The following PTPRD variants were observed in gnomAD, a reference collection of about 807,000 sequenced individuals.
The protein encoded by PTPRD is protein tyrosine phosphatase receptor type D, also known as receptor-type tyrosine-protein phosphatase delta.
Under a neutral mutation model 214.5 loss-of-function variants are expected in PTPRD, and 34 were observed. That is an observed-to-expected ratio of 0.16 (90% CI 0.12 to 0.21). PTPRD has a LOEUF of 0.21. PTPRD is among the 10% of genes least tolerant of loss of function. The pLI is 1.00. For missense variants in PTPRD, 2,545 were observed against 2,398.7 expected (o/e 1.06, Z -1.27); for synonymous variants, 1,128 against 845.7 (o/e 1.33, Z -5.79).
chr9:8,741,765 A>AT (rs1466782555), intron 11 of PTPRD, among the ~76,000 whole-genome samples: 1 of 151,554 alleles, frequency 6.6e-6, no homozygotes, highest in Non-Finnish European at 1.5e-5. Flanking sequence ...TAATTGTTGT[A>AT]TTTTTAGTAG....
intron 2 of PTPRD, among the ~76,000 whole-genome samples, chr9:10,415,197 C>T (rs988545304): frequency 1.8e-4 from 28 of 151,512 alleles, no homozygotes; most frequent in Non-Finnish European, 3.4e-4. Context: ...ATAAATATAC[C>T]TCACAATGTT....
chr9:9,443,945 CT>C (rs945865457), intron 8 of PTPRD, among the ~76,000 whole-genome samples: 4 of 152,254 alleles, frequency 2.6e-5, no homozygotes, highest in Non-Finnish European at 5.9e-5. Flanking sequence ...TGCATAGGGA[CT>C]TTTTTGTCTA....
chr9:10,031,681 C>CACACACACACACACACAT (rs1555495089), intron 4 of PTPRD, among the ~76,000 whole-genome samples: 10 of 133,902 alleles, frequency 7.5e-5, no homozygotes, highest in South Asian at 4.8e-4. Flanking sequence ...CACACACACA[C>CACACACACACACACACAT]ATATCCTATT....
chr9:9,291,625 T>C (rs1186351064), intron 9 of PTPRD, among the ~76,000 whole-genome samples: 1 of 151,320 alleles, frequency 6.6e-6, no homozygotes, highest in Non-Finnish European at 1.5e-5. Context: ...AACTATAAAG[T>C]TTATATTGCT....
chr9:9,980,602 C>A (rs766480797), intron 4 of PTPRD, among the ~76,000 whole-genome samples: 1 of 85,244 alleles, frequency 1.2e-5, no homozygotes, highest in Non-Finnish European at 2.1e-5. Flanking sequence ...GAGTGAGACA[C>A]CTTGTCAAAA....
chr9:9,159,405 C>CTA (rs1196121185), intron 10 of PTPRD, among the ~76,000 whole-genome samples: 2 of 152,026 alleles, frequency 1.3e-5, no homozygotes, highest in African/African-American at 4.8e-5. Flanking sequence ...AGTAGTGTTT[C>CTA]TATATATGTA....
chr9:8,880,353 G>A (rs923306888), intron 11 of PTPRD, among the ~76,000 whole-genome samples: 1 of 152,214 alleles, frequency 6.6e-6, no homozygotes, highest in Non-Finnish European at 1.5e-5. Context: ...GCTAGGTCTG[G>A]CGCATCCTCC....
At chr9:9,949,444 C>T (rs550367358) in intron 4 of PTPRD, among the ~76,000 whole-genome samples, 1 of 152,206 alleles carries the variant, frequency 6.6e-6, no homozygotes, top group East Asian at 1.9e-4. Flanking sequence ...CAACAACTTA[C>T]TGATTGGGAT....
intron 10 of PTPRD, among the ~76,000 whole-genome samples, chr9:9,106,875 G>C (rs2099799405): frequency 6.6e-6 from 1 of 152,102 alleles, no homozygotes; most frequent in South Asian, 2.1e-4. Context: ...AGCATAGACA[G>C]TGTGACATAA....
chr9:9,042,075 T>C (rs324526), intron 10 of PTPRD, among the ~76,000 whole-genome samples: 76,545 of 152,024 alleles, frequency 0.5, 21,528 homozygotes, highest in Non-Finnish European at 0.64. Context: ...GTCTGGCTAT[T>C]GTGACTAGAC....
chr9:9,810,707 G>A (rs757457660), intron 5 of PTPRD, among the ~76,000 whole-genome samples: 2 of 151,962 alleles, frequency 1.3e-5, no homozygotes, highest in Non-Finnish European at 2.9e-5. Context: ...GGATATCAAT[G>A]TTTTTATGCC....
At chr9:8,835,902 C>T (rs1220123722) in intron 11 of PTPRD, among the ~76,000 whole-genome samples, 5 of 152,118 alleles carry the variant, frequency 3.3e-5, no homozygotes, top group African/African-American at 1.2e-4. Context: ...ATCTCTTTAA[C>T]AACACTCTCC....
At chr9:9,779,228 G>T (rs1397560316) in intron 5 of PTPRD, among the ~76,000 whole-genome samples, 1 of 151,490 alleles carries the variant, frequency 6.6e-6, no homozygotes, top group African/African-American at 2.4e-5. Flanking sequence ...TGATTTAAAT[G>T]TAAGACTTCA....
chr9:9,391,827 G>C (rs1306388396), intron 9 of PTPRD, among the ~76,000 whole-genome samples: 3 of 152,068 alleles, frequency 2.0e-5, no homozygotes, highest in Non-Finnish European at 4.4e-5. Context: ...AAAGCAAAAA[G>C]TTTCTTCTAC....
At chr9:9,302,683 T>C (rs528184914) in intron 9 of PTPRD, among the ~76,000 whole-genome samples, 8 of 150,752 alleles carry the variant, frequency 5.3e-5, no homozygotes, top group African/African-American at 1.7e-4. Context: ...TTTTTTTAAT[T>C]GGTTAACTCG....
At chr9:8,825,998 C>T (rs1461004040) in intron 11 of PTPRD, among the ~76,000 whole-genome samples, 1 of 152,118 alleles carries the variant, frequency 6.6e-6, no homozygotes, top group Non-Finnish European at 1.5e-5. Flanking sequence ...TATCCTGTGA[C>T]TTAGAATGCC....
intron 12 of PTPRD, among the ~76,000 whole-genome samples, chr9:8,709,365 A>C (rs2154402707): frequency 6.6e-6 from 1 of 152,014 alleles, no homozygotes; most frequent in Admixed American, 6.6e-5. Context: ...AATACAAAAA[A>C]TTAGCTGTGC....
intron 3 of PTPRD, among the ~76,000 whole-genome samples, chr9:10,314,238 T>G (rs942682824): frequency 2.6e-5 from 4 of 151,790 alleles, no homozygotes; most frequent in Non-Finnish European, 5.9e-5. Context: ...AAGAACAGAT[T>G]GAAAATTATT....
intron 9 of PTPRD, among the ~76,000 whole-genome samples, chr9:9,301,509 G>A (rs1247058137): frequency 6.6e-6 from 1 of 151,750 alleles, no homozygotes; most frequent in African/African-American, 2.4e-5. Flanking sequence ...AAATTTTGTG[G>A]TACTGCATCA....
Sources: allele counts gnomAD v4.1 joint callset (sites outside exome capture counted in the v4.1 genomes callset), GRCh38; gene constraint gnomAD v4.1.1; transcripts MANE v1.5; gene names NCBI Gene and HGNC (gene_info 2026-07-23, HGNC 2026-07-21).